The following ARID4A variants were observed in gnomAD, a reference collection of about 807,000 sequenced individuals.
ARID4A encodes AT-rich interaction domain 4A.
Under a neutral mutation model 148.6 loss-of-function variants are expected in ARID4A, and 39 were observed. That is an observed-to-expected ratio of 0.26 (90% confidence interval 0.20 to 0.34). ARID4A has a LOEUF of 0.34. Among genes scored for constraint, ARID4A ranks in the 10% least tolerant of loss-of-function variants. ARID4A has a pLI of 1.00. For missense variants in ARID4A, 1,265 were observed against 1,449.1 expected (o/e 0.87, Z 2.06); for synonymous variants, 475 against 481.2 (o/e 0.99, Z 0.17).
At position 58,364,547 on chromosome 14, in the gene ARID4A, G is replaced by A. The variant is rs773709444; in HGVS notation, c.2458G>A (p.Glu820Lys). ...ATTTGGCCAGAATGAAGCAGGAAGT[G>A]AACCTCATATAGAAGCTCATAGTCT... is the stretch of plus-strand genomic sequence containing the variant. ...SSFGQNEAGS[E>K]PHIEAHSLEL... Residue 820 changes from glutamate to lysine, a missense_variant, in exon 20 of 24, where the codon GAA (glutamate) becomes AAA (lysine). Transcript: ENST00000355431. 1 of 1,611,088 alleles carries A rather than the reference G, an allele frequency of 6.2e-7. No homozygotes were observed. Among genetic ancestry groups the A allele is most frequent in the African/African-American group, 1.3e-5 (1 of 74,620 alleles).
rs534406563 is a variant in ARID4A, at chr14:58,338,023, T to C, written c.907-6672T>C. Among the ~76,000 whole-genome samples, 25 of 152,330 alleles carry C rather than the reference T, an allele frequency of 1.6e-4. No homozygotes were observed. In the East Asian group the frequency reaches 3.9e-3, roughly 23 times the overall value. On this transcript the variant is annotated intron_variant, in intron 11 of 23. Transcript: ENST00000355431. The stretch of plus-strand genomic sequence containing the variant: ...TAGCTCCCCTGCTGCCACTTAGATA[T>C]TGTTCAGAAGGTGCTGTTGAGCTGT...
At chr14:58,305,772 C>T (rs1010020435) in intron 4 of ARID4A, among the ~76,000 whole-genome samples, 16 of 152,144 alleles carry the variant, frequency 1.1e-4, no homozygotes, top group South Asian at 2.1e-4. Flanking sequence ...ATTATTTTCT[C>T]TTTCTGAACG....
At chr14:58,367,475 A>G (rs1430619536) in intron 23 of ARID4A, among the ~76,000 whole-genome samples, 1 of 152,276 alleles carries the variant, frequency 6.6e-6, no homozygotes, top group Non-Finnish European at 1.5e-5. Flanking sequence ...TAAAGAGCAC[A>G]TGCCATGTGC....
chr14:58,348,039 A>T (rs1258529364), intron 15 of ARID4A, among the ~76,000 whole-genome samples, 161 bp downstream of exon 15: 1 of 152,128 alleles, frequency 6.6e-6, no homozygotes, highest in African/African-American at 2.4e-5. Flanking sequence ...ATTGTATATT[A>T]TTTCCTCTAC....
rs558287571 is a variant in ARID4A at position 58,300,065 on chromosome 14, T to C, written c.6+205T>C. Among the ~76,000 whole-genome samples the C allele has an allele frequency of 3.9e-5, 6 of 152,388 alleles. No individual in the cohort carries two copies. In the South Asian group the frequency reaches 1.2e-3, roughly 32 times the overall value. The stretch of plus-strand genomic sequence containing the variant: ...TTAGGCCCTCTCTGTAGCAGTACTT[T>C]GGAAAGGCTGGTGCAGCCTTTCAAT... On this transcript the variant is annotated intron_variant, in intron 2 of 23. Coordinates refer to ENST00000355431, the MANE Select transcript of ARID4A (RefSeq NM_002892.4).
chr14:58,334,683 A>G (rs2033709706), intron 11 of ARID4A, among the ~76,000 whole-genome samples: 1 of 152,164 alleles, frequency 6.6e-6, no homozygotes, highest in Non-Finnish European at 1.5e-5. Flanking sequence ...CGCTCAAGGC[A>G]CAATTGATAG....
chr14:58,313,658 T>G (rs1177600935), intron 5 of ARID4A, among the ~76,000 whole-genome samples: 1 of 152,122 alleles, frequency 6.6e-6, no homozygotes, highest in Non-Finnish European at 1.5e-5. Flanking sequence ...TGCCAATAGC[T>G]AGGCTCTATC....
Position 58,372,484 on chromosome 14 carries a change from C to A in ARID4A, c.*495C>A. ...TTGTGGAAGCACTTGCTATTTAGAA[C>A]TGCCAAAGTATATGTTCAGCAGTGT... On this transcript the variant is annotated 3_prime_UTR_variant, in exon 24 of 24. Transcript: ENST00000355431. 1 of 226,016 alleles carries A rather than the reference C, an allele frequency of 4.4e-6. No individual in the cohort carries two copies. The highest frequency in any genetic ancestry group is 8.8e-6 in the Non-Finnish European group (1 of 113,856). 14.0% of individuals were successfully genotyped at this position (226,016 alleles called of 1,614,324 possible).
rs753473379 is a variant in ARID4A, at chr14:58,330,172, A to G, written c.906+3A>G. 1 of 1,608,212 alleles carries G rather than the reference A, an allele frequency of 6.2e-7. No homozygotes were observed. The highest frequency in any genetic ancestry group is 1.1e-5 in the South Asian group (1 of 89,910). On this transcript the variant is annotated splice_donor_region_variant and intron_variant, in intron 11 of 23. Coordinates refer to ENST00000355431, the MANE Select transcript of ARID4A (RefSeq NM_002892.4). ...CCAAAAAGACAGAAGAAGAGGTGGT[A>G]GGTGTAATTTCATGTTTGTAACAAA... is the stretch of plus-strand genomic sequence containing the variant.
At chr14:58,299,990 G>A in intron 2 of ARID4A, 130 bp downstream of exon 2, 1 of 1,333,932 alleles carries the variant, frequency 7.5e-7, no homozygotes. Flanking sequence ...TTCGGCATAG[G>A]AGGATGTGTT....
chr14:58,330,952 TA>T (rs1258904130), intron 11 of ARID4A, among the ~76,000 whole-genome samples: 2 of 152,192 alleles, frequency 1.3e-5, no homozygotes, highest in Non-Finnish European at 2.9e-5. Context: ...TAAAAGGGTT[TA>T]GGGGCAAGAC....
At chr14:58,358,392 A>C (rs2034986486) in intron 17 of ARID4A, among the ~76,000 whole-genome samples, 1 of 152,180 alleles carries the variant, frequency 6.6e-6, no homozygotes, top group Non-Finnish European at 1.5e-5. Flanking sequence ...ACTTGAACCC[A>C]GGAGGCAGAG....
chr14:58,347,215 GT>G, intron 14 of ARID4A, 98 bp downstream of exon 14: 1 of 599,540 alleles, frequency 1.7e-6, no homozygotes, highest in Non-Finnish European at 2.6e-6. Flanking sequence ...AAACATTAAA[GT>G]TAGAGAAAGT....
At chr14:58,363,285 A>C (rs534048405) in intron 19 of ARID4A, among the ~76,000 whole-genome samples, 27 of 152,352 alleles carry the variant, frequency 1.8e-4, no homozygotes, top group African/African-American at 6.5e-4. Flanking sequence ...TAGATCCTAT[A>C]CAGTCTTAGA....
chr14:58,337,483 A>G (rs965581275), intron 11 of ARID4A, among the ~76,000 whole-genome samples: 1 of 151,766 alleles, frequency 6.6e-6, no homozygotes, highest in Admixed American at 6.6e-5. Flanking sequence ...GGATTATGCA[A>G]TTGTTGTAGT....
chr14:58,313,739 G>T (rs2032213401), intron 5 of ARID4A, among the ~76,000 whole-genome samples: 1 of 152,352 alleles, frequency 6.6e-6, no homozygotes, highest in East Asian at 1.9e-4. Context: ...GCCTTGAGAA[G>T]ATCTGAGGGA....
intron 3 of ARID4A, among the ~76,000 whole-genome samples, chr14:58,302,093 C>T (rs1364356999): frequency 6.6e-6 from 1 of 152,112 alleles, no homozygotes; most frequent in Admixed American, 6.5e-5. Flanking sequence ...CGTAGTGTCT[C>T]ATGCCTGTAA....
At position 58,318,622 on chromosome 14, in the gene ARID4A, G is replaced by T; in HGVS notation, c.354+1G>T. 1 of 1,614,154 alleles carries T rather than the reference G, an allele frequency of 6.2e-7. No individual in the cohort carries two copies. Among genetic ancestry groups the T allele is most frequent in the Non-Finnish European group, 8.5e-7 (1 of 1,180,012 alleles). ...AGAGAGACATTTTGCAGAGAGTGAGGTAGGGTGACACGGATGGACGATTTG... is the reference window on the plus strand; with the variant it reads ...AGAGAGACATTTTGCAGAGAGTGAGTTAGGGTGACACGGATGGACGATTTG... On this transcript the variant is annotated splice_donor_variant, in intron 6 of 23. Coordinates refer to ENST00000355431, the MANE Select transcript of ARID4A (RefSeq NM_002892.4). LOFTEE classifies it high-confidence loss of function.
At chr14:58,354,290 T>G (rs2034770527) in intron 17 of ARID4A, among the ~76,000 whole-genome samples, 1 of 152,136 alleles carries the variant, frequency 6.6e-6, no homozygotes. Flanking sequence ...TAATCAGAAA[T>G]CAAGCCTATG....
Sources: gnomAD v4.1 joint callset for allele counts (sites outside exome capture counted in the v4.1 genomes callset) on GRCh38, gnomAD v4.1.1 for gene constraint, MANE v1.5 for transcripts, NCBI Gene and HGNC (gene_info 2026-07-23, HGNC 2026-07-21) for gene names.